The following ITSN1 variants were observed in gnomAD, a reference collection of about 807,000 sequenced individuals.
The protein encoded by ITSN1 is intersectin-1.
In ITSN1, 58 loss-of-function variants were observed where a neutral mutation model predicts 239.8. That is an observed-to-expected ratio of 0.24 (90% CI 0.20 to 0.30). The LOEUF is 0.30. Among genes scored for constraint, ITSN1 ranks in the 10% least tolerant of loss-of-function variants. The probability of loss-of-function intolerance (pLI) is 1.00; values close to 1 mark genes in which losing one functional copy is unlikely to be tolerated. For synonymous variants in ITSN1, 780 were observed against 770.8 expected (o/e 1.01, Z -0.20); for missense variants, 1,558 against 2,103.3 (o/e 0.74, Z 5.07).
chr21:33,752,296 G>T (rs955942931), intron 7 of ITSN1, among the ~76,000 whole-genome samples: 1 of 152,102 alleles, frequency 6.6e-6, no homozygotes, highest in African/African-American at 2.4e-5. Flanking sequence ...ATGAAGATTG[G>T]AGTTATAGTT....
intron 29 of ITSN1, among the ~76,000 whole-genome samples, chr21:33,840,025 T>C (rs1468614431): frequency 6.6e-6 from 1 of 152,228 alleles, no homozygotes; most frequent in East Asian, 1.9e-4. Flanking sequence ...CACCTGGTTA[T>C]TCACCACCAG....
chr21:33,851,196 C>T (rs1280586454), intron 29 of ITSN1, among the ~76,000 whole-genome samples: 3 of 152,104 alleles, frequency 2.0e-5, no homozygotes, highest in African/African-American at 4.8e-5. Flanking sequence ...AGTGTCTCCG[C>T]GTCGACCTGG....
At chr21:33,745,606 T>C (rs7281819) in intron 5 of ITSN1, among the ~76,000 whole-genome samples, 5,884 of 152,222 alleles carry the variant, frequency 0.039, 391 homozygotes, top group African/African-American at 0.14. Context: ...AGCTTGGTAA[T>C]GTGGAGGGAC....
chr21:33,743,750 AAAAG>A (rs1210142749), intron 5 of ITSN1, among the ~76,000 whole-genome samples: 1 of 152,240 alleles, frequency 6.6e-6, no homozygotes, highest in Non-Finnish European at 1.5e-5. Context: ...GACATGTAGA[AAAAG>A]AAAGCATATG....
chr21:33,711,587 T>C (rs2092415894), intron 1 of ITSN1, among the ~76,000 whole-genome samples: 2 of 152,094 alleles, frequency 1.3e-5, no homozygotes. Context: ...TCTTGACATC[T>C]TTGGATTTTT....
intron 1 of ITSN1, among the ~76,000 whole-genome samples, chr21:33,681,709 C>T (rs186806728): frequency 0.012 from 1,836 of 151,192 alleles, 47 homozygotes; most frequent in African/African-American, 0.043. Context: ...CTCGCTCTGT[C>T]GCCCAGGCTG....
chr21:33,706,941 T>C (rs1176297122), intron 1 of ITSN1, among the ~76,000 whole-genome samples: 1 of 152,176 alleles, frequency 6.6e-6, no homozygotes, highest in African/African-American at 2.4e-5. Flanking sequence ...CAGGCTGGTG[T>C]TGAACTCCTG....
At chr21:33,799,537 A>T (rs9979863) in intron 18 of ITSN1, among the ~76,000 whole-genome samples, 17,356 of 152,118 alleles carry the variant, frequency 0.11, 1,384 homozygotes, top group East Asian at 0.41. Context: ...GAGACAAGGG[A>T]CCTTTAGGCA....
At chr21:33,759,360 A>G (rs1332924754) in intron 8 of ITSN1, among the ~76,000 whole-genome samples, 1 of 152,230 alleles carries the variant, frequency 6.6e-6, no homozygotes, top group Non-Finnish European at 1.5e-5. Flanking sequence ...GTCACATGCC[A>G]TTAGGGAGTC....
chr21:33,834,450 G>A (rs1374553471), intron 28 of ITSN1, 26 bp downstream of exon 28: 1 of 1,470,826 alleles, frequency 6.8e-7, no homozygotes, highest in Non-Finnish European at 9.5e-7. Flanking sequence ...TCTCTAACTG[G>A]AAGATGGTCT....
intron 1 of ITSN1, among the ~76,000 whole-genome samples, chr21:33,680,550 T>C (rs974606726): frequency 1.3e-5 from 2 of 152,072 alleles, no homozygotes; most frequent in Non-Finnish European, 2.9e-5. Context: ...AGGCTGGTCT[T>C]GAACTCCTGA....
At chr21:33,727,607 C>CA (rs201596116) in intron 4 of ITSN1, among the ~76,000 whole-genome samples, 2,670 of 69,690 alleles carry the variant, frequency 0.038, 90 homozygotes, top group African/African-American at 0.11. Context: ...TAAACTCATA[C>CA]AAAAAAAAAA....
At chr21:33,722,012 T>G (rs574926527) in intron 3 of ITSN1, 66 of 151,450 alleles carry the variant, frequency 4.4e-4, no homozygotes, top group African/African-American at 1.6e-3. Context: ...TTTCAAACGA[T>G]TCTCCTGCCT....
chr21:33,739,777 C>A (rs1260097651), intron 5 of ITSN1, among the ~76,000 whole-genome samples: 1 of 152,126 alleles, frequency 6.6e-6, no homozygotes, highest in African/African-American at 2.4e-5. Context: ...CGAGGGGCGT[C>A]GTAGCTGAAG....
At chr21:33,852,700 G>A (rs541647475) in intron 29 of ITSN1, among the ~76,000 whole-genome samples, 2 of 152,202 alleles carry the variant, frequency 1.3e-5, no homozygotes, top group South Asian at 2.1e-4. Flanking sequence ...ATTTGTAACC[G>A]CCTGGAGTCA....
At chr21:33,763,538 A>G (rs916648356) in intron 9 of ITSN1, among the ~76,000 whole-genome samples, 4 of 152,178 alleles carry the variant, frequency 2.6e-5, no homozygotes, top group Admixed American at 2.0e-4. Flanking sequence ...CCAGCATGAC[A>G]ATCAGAAATG....
At chr21:33,675,284 C>T (rs142787209) in intron 1 of ITSN1, among the ~76,000 whole-genome samples, 2 of 152,180 alleles carry the variant, frequency 1.3e-5, no homozygotes, top group East Asian at 3.9e-4. Context: ...TTGATATGGG[C>T]CGGGCACGGT....
chr21:33,884,771 C>T (rs1985506241), intron 36 of ITSN1, among the ~76,000 whole-genome samples: 1 of 152,190 alleles, frequency 6.6e-6, no homozygotes, highest in African/African-American at 2.4e-5. Flanking sequence ...CCGATGTTGC[C>T]TCCAAGACAG....
chr21:33,859,040 T>A lies in ITSN1; in HGVS notation c.3890+248T>A, dbSNP rs146777788. Among the ~76,000 whole-genome samples the A allele has an allele frequency of 2.4e-3, 373 of 152,274 alleles. 3 individuals are homozygous for A. The highest frequency in any genetic ancestry group is 8.4e-3 in the African/African-American group (351 of 41,558). On this transcript the variant is annotated intron_variant, in intron 31 of 39. Coordinates refer to ENST00000381318, the MANE Select transcript of ITSN1 (RefSeq NM_003024.3). Reference sequence around the variant, plus strand: ...ACCCCAGAGCCTGCTGTTGGGTGAATTACTGTGGTTGTGAATTTCCAGGGC... The same window carrying A: ...ACCCCAGAGCCTGCTGTTGGGTGAAATACTGTGGTTGTGAATTTCCAGGGC...
Sources: gnomAD v4.1 joint callset for allele counts (sites outside exome capture counted in the v4.1 genomes callset) on GRCh38, gnomAD v4.1.1 for gene constraint, MANE v1.5 for transcripts, NCBI Gene and HGNC (gene_info 2026-07-23, HGNC 2026-07-21) for gene names.